PTPRD: variants seen among roughly 807,000 people sequenced by gnomAD.
The protein encoded by PTPRD is protein tyrosine phosphatase receptor type D.
In PTPRD, 34 loss-of-function variants were observed where a neutral mutation model predicts 214.5. The observed-to-expected ratio is 0.16, with a 90% CI of 0.12 to 0.21. The LOEUF (loss-of-function observed/expected upper bound fraction) is 0.21, where lower values mean the gene tolerates loss of function less well. Among genes scored for constraint, PTPRD ranks in the 10% least tolerant of loss-of-function variants. The pLI is 1.00. For synonymous variants in PTPRD, 1,128 were observed against 845.7 expected (o/e 1.33, Z -5.79); for missense variants, 2,545 against 2,398.7 (o/e 1.06, Z -1.27).
intron 8 of PTPRD, among the ~76,000 whole-genome samples, chr9:9,447,300 G>A (rs2090755477): frequency 6.6e-6 from 1 of 151,928 alleles, no homozygotes; most frequent in African/African-American, 2.4e-5. Flanking sequence ...ATAAGTAAAT[G>A]TGCTATATAT....
intron 7 of PTPRD, among the ~76,000 whole-genome samples, chr9:9,692,341 A>T (rs555923468): frequency 2.3e-4 from 35 of 152,056 alleles, no homozygotes; most frequent in Admixed American, 1.2e-3. Flanking sequence ...ATTCTTCTGC[A>T]TATGGATATC....
chr9:9,981,006 A>G (rs1333583607), intron 4 of PTPRD, among the ~76,000 whole-genome samples: 3 of 152,174 alleles, frequency 2.0e-5, no homozygotes, highest in Non-Finnish European at 4.4e-5. Context: ...TTTAACCTGA[A>G]TATGTTTAGG....
At chr9:10,006,418 T>G (rs1314977346) in intron 4 of PTPRD, among the ~76,000 whole-genome samples, 1 of 151,992 alleles carries the variant, frequency 6.6e-6, no homozygotes, top group East Asian at 1.9e-4. Flanking sequence ...CCTTTATAGC[T>G]TTCTAATTAT....
At chr9:8,602,925 T>C (rs2094956896) in intron 14 of PTPRD, among the ~76,000 whole-genome samples, 1 of 152,214 alleles carries the variant, frequency 6.6e-6, no homozygotes. Flanking sequence ...TCATTCGATA[T>C]AATCCCCTTT....
At chr9:10,065,188 A>AAAGAAAGAAAGAAAGAAAGG (rs1567445298) in intron 3 of PTPRD, among the ~76,000 whole-genome samples, 2 of 151,374 alleles carry the variant, frequency 1.3e-5, no homozygotes, top group Non-Finnish European at 3.0e-5. Flanking sequence ...AGAAAGAAAG[A>AAAGAAAGAAAGAAAGAAAGG]AAGAAAAGGA....
chr9:9,260,588 A>G (rs1036919627), intron 9 of PTPRD, among the ~76,000 whole-genome samples: 2 of 151,692 alleles, frequency 1.3e-5, no homozygotes, highest in Non-Finnish European at 2.9e-5. Flanking sequence ...TGCATTTGAA[A>G]GAGTAGGGTG....
chr9:10,438,155 T>C lies in PTPRD; in HGVS notation c.-599-97138A>G, dbSNP rs918658715. On this transcript the variant is annotated intron_variant, in intron 2 of 45. Transcript: ENST00000381196. The stretch of plus-strand genomic sequence containing the variant: ...CAGCACAGGTGGTCCATTTATTAAG[T>C]AAGTCATTTTCATTTTCCTTTTTGG... 2.0e-5 allele frequency among the ~76,000 whole-genome samples: 3 copies of C among 151,072 alleles called. 1 individual carries two copies. The highest frequency in any genetic ancestry group is 7.3e-5 in the African/African-American group (3 of 40,856).
chr9:10,010,278 TG>T (rs1211796364), intron 4 of PTPRD, among the ~76,000 whole-genome samples: 1 of 151,966 alleles, frequency 6.6e-6, no homozygotes, highest in Non-Finnish European at 1.5e-5. Flanking sequence ...TATTTTAAAA[TG>T]TAATTCATTT....
At chr9:9,647,259 C>G (rs2096215899) in intron 7 of PTPRD, among the ~76,000 whole-genome samples, 1 of 151,690 alleles carries the variant, frequency 6.6e-6, no homozygotes, top group East Asian at 1.9e-4. Context: ...TGCTTATATT[C>G]TCAAACTTTA....
chr9:9,594,322 G>C (rs1394135197), intron 7 of PTPRD, among the ~76,000 whole-genome samples: 1 of 151,888 alleles, frequency 6.6e-6, no homozygotes, highest in Non-Finnish European at 1.5e-5. Context: ...TTTGCTTTTG[G>C]GTTCTTGGTC....
At chr9:10,539,424 A>T (rs2058604354) in intron 2 of PTPRD, among the ~76,000 whole-genome samples, 1 of 152,166 alleles carries the variant, frequency 6.6e-6, no homozygotes, top group Non-Finnish European at 1.5e-5. Flanking sequence ...ACCTAAGGTG[A>T]TCTGCCTGCC....
intron 8 of PTPRD, among the ~76,000 whole-genome samples, chr9:9,458,242 C>A (rs1321029603): frequency 6.6e-6 from 1 of 151,820 alleles, no homozygotes; most frequent in Non-Finnish European, 1.5e-5. Flanking sequence ...AATGAGTAAA[C>A]AATTCAAGTG....
intron 8 of PTPRD, among the ~76,000 whole-genome samples, chr9:9,400,377 G>C (rs1011417261): frequency 1.3e-5 from 2 of 151,770 alleles, no homozygotes; most frequent in African/African-American, 4.8e-5. Flanking sequence ...TCTGTTCTGA[G>C]GACATTTAAA....
rs180733645 is a variant in PTPRD, at chr9:9,518,857, G to A, written c.-237+55875C>T. On this transcript the variant is annotated intron_variant, in intron 8 of 45. Coordinates refer to ENST00000381196, the MANE Select transcript of PTPRD (RefSeq NM_002839.4). ...CACATCTCTCTGCTTTTATATGACGGCTAAAAGATTTTTATAATATATGTC... is the reference window on the plus strand; with the variant it reads ...CACATCTCTCTGCTTTTATATGACGACTAAAAGATTTTTATAATATATGTC... 7.0e-3 allele frequency among the ~76,000 whole-genome samples: 1,071 copies of A among 152,034 alleles called. 5 individuals are homozygous for A. The highest frequency in any genetic ancestry group is 0.012 in the Non-Finnish European group (794 of 67,870).
intron 9 of PTPRD, among the ~76,000 whole-genome samples, chr9:9,391,024 G>C (rs981347697): frequency 6.6e-6 from 1 of 152,142 alleles, no homozygotes; most frequent in Non-Finnish European, 1.5e-5. Flanking sequence ...GCATTATTAA[G>C]TTGAGCTTTG....
intron 8 of PTPRD, among the ~76,000 whole-genome samples, chr9:9,431,173 C>T (rs928330832): frequency 7.2e-5 from 11 of 152,148 alleles, no homozygotes; most frequent in African/African-American, 2.7e-4. Context: ...GGGCTAATAT[C>T]CAGAATCTAC....
Position 8,499,693 on chromosome 9 carries a change from G to A in PTPRD, c.2276C>T (p.Pro759Leu), listed in dbSNP as rs2136813864. 1 of 1,613,956 alleles carries A rather than the reference G, an allele frequency of 6.2e-7. No homozygotes were observed. The highest frequency in any genetic ancestry group is 1.1e-5 in the South Asian group (1 of 91,034). Residue 759 changes from proline to leucine, a missense_variant, in exon 25 of 46, where the codon CCC becomes CTC. Physicochemically the swap from Pro to Leu is moderately conservative, Grantham distance 98 (BLOSUM62 -3). Transcript: ENST00000381196. ...ATCTTTCAGCATGGGCTGGCCCTTG[G>A]GCTCACCATTTTCCATCCTCACATA... ...VHYVRMENGE[P>L]KGQPMLKDVM... is the part of the protein sequence containing the mutation.
intron 9 of PTPRD, among the ~76,000 whole-genome samples, chr9:9,243,533 C>G (rs1294002740): frequency 6.6e-6 from 1 of 152,070 alleles, no homozygotes; most frequent in Non-Finnish European, 1.5e-5. Context: ...GAACCAAAGA[C>G]AAAAACCACA....
rs2096804073 is a variant in PTPRD at position 8,811,553 on chromosome 9, GA to G, written c.-103-77608del. Among the ~76,000 whole-genome samples the G allele has an allele frequency of 2.0e-5, 3 of 152,088 alleles. No individual in the cohort carries two copies. The South Asian group carries it at 6.2e-4, about 32-fold the overall frequency. The stretch of plus-strand genomic sequence containing the variant: ...GGGAAACAGTCCTGAGGTCACTAAG[GA>G]ACAGAACAATCATTCTTAATTCCTG... On this transcript the variant is annotated intron_variant, in intron 11 of 45. Transcript: ENST00000381196.
Sources: gnomAD v4.1 joint callset for allele counts (sites outside exome capture counted in the v4.1 genomes callset) on GRCh38, gnomAD v4.1.1 for gene constraint, MANE v1.5 for transcripts, NCBI Gene and HGNC (gene_info 2026-07-23, HGNC 2026-07-21) for gene names.